Variants in HIP1 observed in about 807,000 individuals in gnomAD.
HIP1 encodes huntingtin interacting protein 1.
A neutral mutation model predicts 147.6 loss-of-function variants in HIP1; 65 were observed. That is an observed-to-expected ratio of 0.44 (90% CI 0.36 to 0.54). HIP1 has a LOEUF of 0.54. Ranked by LOEUF, HIP1 falls within the 20% of genes least tolerant of loss-of-function variation. The probability of loss-of-function intolerance (pLI) is 0.00; values close to 1 mark genes in which losing one functional copy is unlikely to be tolerated. For missense variants in HIP1, 1,061 were observed against 1,299.6 expected (o/e 0.82, Z 2.82); for synonymous variants, 479 against 504.0 (o/e 0.95, Z 0.67).
chr7:75,589,980 G>A (rs185396059), intron 4 of HIP1, among the ~76,000 whole-genome samples: 26 of 151,964 alleles, frequency 1.7e-4, no homozygotes, highest in South Asian at 8.3e-4. Context: ...TGATCCGCCC[G>A]CCTCGGCCTC....
intron 1 of HIP1, among the ~76,000 whole-genome samples, chr7:75,609,640 C>T (rs1419114113): frequency 1.3e-5 from 2 of 151,910 alleles, no homozygotes; most frequent in Non-Finnish European, 2.9e-5. Context: ...TCAGTGCAAC[C>T]TCCTCCTCCC....
chr7:75,659,231 C>A (rs1554513221), intron 1 of HIP1, among the ~76,000 whole-genome samples: 2 of 152,210 alleles, frequency 1.3e-5, no homozygotes, highest in African/African-American at 4.8e-5. Flanking sequence ...TCCTAGCATC[C>A]CCCACGCTGG....
intron 14 of HIP1, 69 bp downstream of exon 14, chr7:75,559,663 T>G: frequency 7.8e-7 from 1 of 1,277,666 alleles, no homozygotes; most frequent in Non-Finnish European, 1.1e-6. Flanking sequence ...TGCCGCATCC[T>G]GAGTCCAGCT....
intron 7 of HIP1, among the ~76,000 whole-genome samples, chr7:75,577,010 T>C (rs1024431217): frequency 1.3e-5 from 2 of 152,134 alleles, no homozygotes; most frequent in Non-Finnish European, 2.9e-5. Context: ...GAGTGCCCTA[T>C]TGGACAGTGC....
At chr7:75,734,680 T>C (rs570315296) in intron 1 of HIP1, among the ~76,000 whole-genome samples, 2 of 152,188 alleles carry the variant, frequency 1.3e-5, no homozygotes, top group South Asian at 4.2e-4. Flanking sequence ...AGCCCTGCTA[T>C]AGTTCAGAGG....
At chr7:75,668,829 A>G (rs10226362) in intron 1 of HIP1, among the ~76,000 whole-genome samples, 86,162 of 152,084 alleles carry the variant, frequency 0.57, 24,866 homozygotes, top group African/African-American at 0.65. Context: ...CATAGAATTC[A>G]CCATTTTTAA....
At chr7:75,663,784 T>C (rs548543066) in intron 1 of HIP1, among the ~76,000 whole-genome samples, 1 of 147,236 alleles carries the variant, frequency 6.8e-6, no homozygotes, top group Non-Finnish European at 1.5e-5. Flanking sequence ...GGGAGTGGAG[T>C]AGTGAGTGAT....
chr7:75,603,339 C>T (rs1563237195), intron 1 of HIP1, among the ~76,000 whole-genome samples: 1 of 91,378 alleles, frequency 1.1e-5, no homozygotes, highest in African/African-American at 6.4e-5. Flanking sequence ...CAGAGCGAGA[C>T]TCTCAAAAAA....
chr7:75,647,736 C>T (rs1030511964), intron 1 of HIP1, among the ~76,000 whole-genome samples: 6 of 152,242 alleles, frequency 3.9e-5, no homozygotes, highest in African/African-American at 1.4e-4. Context: ...CTGCAGGGAC[C>T]TGGACAGACC....
intron 1 of HIP1, among the ~76,000 whole-genome samples, chr7:75,631,119 C>T (rs1194502933): frequency 6.6e-6 from 1 of 151,174 alleles, no homozygotes; most frequent in Admixed American, 6.7e-5. Context: ...TGCGACCAAA[C>T]CCAGATAATT....
chr7:75,599,409 G>A (rs1182209887), intron 1 of HIP1, among the ~76,000 whole-genome samples, 162 bp from the exon 2 acceptor site: 1 of 152,168 alleles, frequency 6.6e-6, no homozygotes, highest in Non-Finnish European at 1.5e-5. Flanking sequence ...GGGGGCAGAG[G>A]TGGGCAGCGC....
chr7:75,708,234 T>G (rs1360501753), intron 1 of HIP1, among the ~76,000 whole-genome samples: 1 of 152,240 alleles, frequency 6.6e-6, no homozygotes, highest in Non-Finnish European at 1.5e-5. Context: ...GAGTTCTCTA[T>G]ATGATCTGGA....
chr7:75,549,463 C>T (rs782280092), intron 22 of HIP1, among the ~76,000 whole-genome samples: 4 of 151,256 alleles, frequency 2.6e-5, no homozygotes, highest in East Asian at 1.9e-4. Context: ...CTCCGCCTCC[C>T]GGGCTCAAGG....
rs191430464 is a variant in HIP1 at position 75,659,997 on chromosome 7, G to A, written c.121-60750C>T. 6.3e-3 allele frequency among the ~76,000 whole-genome samples: 945 copies of A among 149,828 alleles called. 6 individuals carry two copies. Among genetic ancestry groups the A allele is most frequent in the Non-Finnish European group, 8.5e-3 (572 of 67,168 alleles). On this transcript the variant is annotated intron_variant, in intron 1 of 30. Transcript: ENST00000336926. The stretch of plus-strand genomic sequence containing the variant: ...AAAAATTAGCTGGGCATGGTGGTGC[G>A]CACCTGTAGTCCCAGCTACTCGGGA...
intron 8 of HIP1, among the ~76,000 whole-genome samples, chr7:75,570,497 T>G (rs1795584574): frequency 6.7e-6 from 1 of 150,362 alleles, no homozygotes; most frequent in Non-Finnish European, 1.5e-5. Context: ...TTCACCATGT[T>G]GGCCAGGATG....
chr7:75,725,614 C>CT (rs1801626891), intron 1 of HIP1, among the ~76,000 whole-genome samples: 1 of 152,156 alleles, frequency 6.6e-6, no homozygotes, highest in African/African-American at 2.4e-5. Context: ...CTGCCTTTTT[C>CT]TTCACTCAAC....
intron 5 of HIP1, among the ~76,000 whole-genome samples, chr7:75,584,252 C>T (rs1796170224): frequency 6.6e-6 from 1 of 151,780 alleles, no homozygotes; most frequent in African/African-American, 2.4e-5. Context: ...GCGTGAGCCA[C>T]CGCGCCTGGC....
chr7:75,723,118 C>T (rs1189326651), intron 1 of HIP1, among the ~76,000 whole-genome samples: 1 of 152,072 alleles, frequency 6.6e-6, no homozygotes, highest in Non-Finnish European at 1.5e-5. Context: ...AAACAACAGC[C>T]ATTTATTGGG....
chr7:75,576,590 C>T (rs890565866), intron 7 of HIP1, among the ~76,000 whole-genome samples: 2 of 152,044 alleles, frequency 1.3e-5, no homozygotes, highest in Admixed American at 6.6e-5. Context: ...GGTGTGGTAG[C>T]GGGCACCTGT....
Sources: allele counts gnomAD v4.1 joint callset (sites outside exome capture counted in the v4.1 genomes callset), GRCh38; gene constraint gnomAD v4.1.1; transcripts MANE v1.5; gene names NCBI Gene and HGNC (gene_info 2026-07-23, HGNC 2026-07-21).